Variants in PDE1A observed in about 807,000 individuals in gnomAD.
PDE1A encodes phosphodiesterase 1A, also known as dual specificity calcium/calmodulin-dependent 3',5'-cyclic nucleotide phosphodiesterase 1A.
Under a neutral mutation model 61.7 loss-of-function variants are expected in PDE1A, and 35 were observed. The observed-to-expected ratio is 0.57, with a 90% CI of 0.43 to 0.75. PDE1A has a LOEUF of 0.75. Ranked by LOEUF, PDE1A falls within the 30% of genes least tolerant of loss-of-function variation. The pLI, the probability that PDE1A is intolerant of heterozygous loss-of-function variation, is 0.00. For synonymous variants in PDE1A, 232 were observed against 213.2 expected (o/e 1.09, Z -0.77); for missense variants, 597 against 630.6 (o/e 0.95, Z 0.57).
At chr2:182,434,539 G>GC (rs1187173211) in intron 2 of PDE1A, among the ~76,000 whole-genome samples, 1 of 151,928 alleles carries the variant, frequency 6.6e-6, no homozygotes, top group Admixed American at 6.6e-5. Flanking sequence ...TGAAAATGAA[G>GC]CCCTTTTTTT....
At chr2:182,382,969 G>A (rs1321016324) in intron 1 of PDE1A, among the ~76,000 whole-genome samples, 1 of 152,130 alleles carries the variant, frequency 6.6e-6, no homozygotes, top group African/African-American at 2.4e-5. Context: ...AGCTAAATAA[G>A]TAAAATTGAC....
At chr2:182,471,742 G>A (rs565693219) in intron 2 of PDE1A, among the ~76,000 whole-genome samples, 2 of 151,638 alleles carry the variant, frequency 1.3e-5, no homozygotes, top group East Asian at 1.9e-4. Flanking sequence ...GCAATACGGT[G>A]GCTAAAAGAG....
intron 3 of PDE1A, among the ~76,000 whole-genome samples, chr2:182,237,402 C>T (rs10930996): frequency 0.19 from 29,219 of 151,900 alleles, 2,969 homozygotes; most frequent in East Asian, 0.33. Context: ...CTCTTGAACT[C>T]GGGAGGCGGA....
At chr2:182,510,160 T>C (rs1049687715) in intron 2 of PDE1A, among the ~76,000 whole-genome samples, 2 of 152,076 alleles carry the variant, frequency 1.3e-5, no homozygotes, top group African/African-American at 4.8e-5. Context: ...AAATATTTTA[T>C]AAAATATAAA....
chr2:182,570,124 G>C, the PDE1A span, among the ~76,000 whole-genome samples: 1 of 152,118 alleles, frequency 6.6e-6, no homozygotes, highest in Non-Finnish European at 1.5e-5. Context: ...TTCTACAAGA[G>C]ATTTGAGGTG....
intron 1 of PDE1A, among the ~76,000 whole-genome samples, chr2:182,416,200 T>C (rs376218895): frequency 6.6e-6 from 1 of 152,198 alleles, no homozygotes. Context: ...CTACAAATTA[T>C]CATTATTCAA....
At position 182,219,734 on chromosome 2, in the gene PDE1A, A is replaced by G. The variant is rs141109906; in HGVS notation, c.776+4130T>C. Reference sequence around the variant, plus strand: ...AACCTAGCACTGGCCCTGCCACTGAATATTTATGATAGAGTAGACAAGGAC... The same window carrying G: ...AACCTAGCACTGGCCCTGCCACTGAGTATTTATGATAGAGTAGACAAGGAC... On this transcript the variant is annotated intron_variant, in intron 7 of 13. Coordinates refer to ENST00000351439, the Ensembl canonical transcript of PDE1A. Among the ~76,000 whole-genome samples, 210 of 152,180 alleles carry G rather than the reference A, an allele frequency of 1.4e-3. 1 individual carries two copies. Among genetic ancestry groups the G allele is most frequent in the East Asian group, 0.011 (55 of 5,188 alleles).
chr2:182,674,757 G>A, the PDE1A span, among the ~76,000 whole-genome samples: 6 of 151,728 alleles, frequency 4.0e-5, no homozygotes, highest in African/African-American at 1.5e-4. Context: ...AAGTTCAAGA[G>A]GAATACTTTC....
the PDE1A span, among the ~76,000 whole-genome samples, chr2:182,664,051 T>A: frequency 2.0e-5 from 3 of 152,148 alleles, no homozygotes; most frequent in Middle Eastern, 3.4e-3. Flanking sequence ...TCCAAAAGAA[T>A]AATGGGCAAA....
intron 1 of PDE1A, among the ~76,000 whole-genome samples, chr2:182,267,062 A>G (rs536771591): frequency 2.0e-5 from 3 of 152,302 alleles, no homozygotes; most frequent in East Asian, 3.9e-4. Flanking sequence ...AGAAATCTTC[A>G]TTATCAAATG....
chr2:182,175,273 T>C (rs1692634246), intron 13 of PDE1A, among the ~76,000 whole-genome samples: 1 of 151,966 alleles, frequency 6.6e-6, no homozygotes, highest in Admixed American at 6.6e-5. Context: ...TCTTCCACAA[T>C]GGTTGAACTA....
At chr2:182,310,077 G>A (rs1266922612) in intron 1 of PDE1A, among the ~76,000 whole-genome samples, 1 of 152,124 alleles carries the variant, frequency 6.6e-6, no homozygotes. Context: ...AAATATAGAT[G>A]AGGCAAAAAT....
the PDE1A span, among the ~76,000 whole-genome samples, chr2:182,548,598 T>G: frequency 6.6e-6 from 1 of 152,202 alleles, no homozygotes; most frequent in African/African-American, 2.4e-5. Flanking sequence ...TTTTTCTTTT[T>G]TAAATAAGGA....
the PDE1A span, among the ~76,000 whole-genome samples, chr2:182,621,097 A>C: frequency 1.3e-5 from 2 of 152,164 alleles, no homozygotes; most frequent in Non-Finnish European, 2.9e-5. Flanking sequence ...GCCGAGATGC[A>C]TAAAGCAGCC....
chr2:182,525,334 G>A (rs752639079), upstream of PDE1A, among the ~76,000 whole-genome samples: 2 of 151,918 alleles, frequency 1.3e-5, no homozygotes, highest in East Asian at 1.9e-4. Flanking sequence ...TGCATTGCTG[G>A]TGTTCCTTTT....
rs762311896 is a variant in PDE1A, at chr2:182,278,757, C to T, written c.54-14343G>A. On this transcript the variant is annotated intron_variant, in intron 1 of 13. Coordinates refer to ENST00000351439, the Ensembl canonical transcript of PDE1A. ...GGAGCCTTCACTCTGGTAAGTTCAA[C>T]CCTGTTCTCTATAGTAGCCCAGCAA... is the stretch of plus-strand genomic sequence containing the variant. Among the ~76,000 whole-genome samples the T allele has an allele frequency of 1.3e-4, 20 of 151,990 alleles. 1 individual carries two copies. The highest frequency in any genetic ancestry group is 7.4e-5 in the Non-Finnish European group (5 of 67,954).
the PDE1A span, among the ~76,000 whole-genome samples, chr2:182,670,072 G>GCC: frequency 6.6e-6 from 1 of 152,198 alleles, no homozygotes; most frequent in African/African-American, 2.4e-5. Flanking sequence ...CCAGCTCACT[G>GCC]CCACAGGGCC....
At chr2:182,689,668 T>C in the PDE1A span, among the ~76,000 whole-genome samples, 1 of 151,830 alleles carries the variant, frequency 6.6e-6, no homozygotes, top group Non-Finnish European at 1.5e-5. Context: ...AGGCAAGAAA[T>C]AACTAAGATC....
the PDE1A span, among the ~76,000 whole-genome samples, chr2:182,672,548 A>C: frequency 1.3e-5 from 2 of 152,370 alleles, no homozygotes; most frequent in Admixed American, 6.5e-5. Context: ...ACAGGGTAGA[A>C]AAAACACACA....
Sources: gnomAD v4.1 joint callset for allele counts (sites outside exome capture counted in the v4.1 genomes callset) on GRCh38, gnomAD v4.1.1 for gene constraint, MANE v1.5 for transcripts, NCBI Gene and HGNC (gene_info 2026-07-23, HGNC 2026-07-21) for gene names.